The following CADM2 variants were observed in gnomAD, a reference collection of about 807,000 sequenced individuals.
CADM2 encodes immunoglobulin superfamily member 4D.
Under a neutral mutation model 49.8 loss-of-function variants are expected in CADM2, and 12 were observed. That is an observed-to-expected ratio of 0.24 (90% CI 0.15 to 0.39). The LOEUF (loss-of-function observed/expected upper bound fraction) is 0.39. Ranked by LOEUF, CADM2 falls within the 10% of genes least tolerant of loss-of-function variation. The pLI, the probability that CADM2 is intolerant of heterozygous loss-of-function variation, is 1.00. For synonymous variants in CADM2, 214 were observed against 175.4 expected (o/e 1.22, Z -1.74); for missense variants, 378 against 492.3 (o/e 0.77, Z 2.20).
chr3:85,477,243 A>AACAC (rs139955724), intron 1 of CADM2, among the ~76,000 whole-genome samples: 10,033 of 144,646 alleles, frequency 0.069, 411 homozygotes, highest in Admixed American at 0.12. Flanking sequence ...GATTCCCTTA[A>AACAC]ACACACACAC....
chr3:85,616,904 G>T (rs905515775), intron 1 of CADM2, among the ~76,000 whole-genome samples: 2 of 152,042 alleles, frequency 1.3e-5, no homozygotes, highest in African/African-American at 4.8e-5. Flanking sequence ...AACAAACTTG[G>T]CTAAGAAACA....
At chr3:85,269,235 C>T (rs945747290) in intron 1 of CADM2, among the ~76,000 whole-genome samples, 1 of 151,356 alleles carries the variant, frequency 6.6e-6, no homozygotes, top group South Asian at 2.1e-4. Flanking sequence ...CTAAACCCCA[C>T]GAAGGTGATC....
intron 1 of CADM2, among the ~76,000 whole-genome samples, chr3:85,554,718 C>G (rs113450610): frequency 1.7e-4 from 26 of 151,864 alleles, no homozygotes; most frequent in Admixed American, 5.2e-4. Context: ...ATTTTTGTGA[C>G]AAATTCTTGC....
At chr3:85,322,713 C>T (rs997958630) in intron 1 of CADM2, among the ~76,000 whole-genome samples, 1 of 152,118 alleles carries the variant, frequency 6.6e-6, no homozygotes, top group African/African-American at 2.4e-5. Context: ...AAAGAAGTCT[C>T]TGTCTTCAAA....
chr3:85,449,083 A>ATAATAATAATTATT (rs59973385), intron 1 of CADM2, among the ~76,000 whole-genome samples: 5 of 148,230 alleles, frequency 3.4e-5, no homozygotes, highest in Non-Finnish European at 4.5e-5. Context: ...TAATGATAAA[A>ATAATAATAATTATT]ATTATATAAT....
chr3:85,327,614 A>G (rs765428514), intron 1 of CADM2, among the ~76,000 whole-genome samples: 1 of 151,576 alleles, frequency 6.6e-6, no homozygotes, highest in East Asian at 1.9e-4. Flanking sequence ...CATAAACTAT[A>G]TGTGTATTTA....
At chr3:84,996,991 T>C (rs1173017375) in intron 1 of CADM2, among the ~76,000 whole-genome samples, 3 of 152,130 alleles carry the variant, frequency 2.0e-5, no homozygotes, top group African/African-American at 7.2e-5. Flanking sequence ...GCATCTTCTA[T>C]AGACAACAAG....
intron 1 of CADM2, among the ~76,000 whole-genome samples, chr3:85,666,361 T>C (rs1320752450): frequency 6.6e-6 from 1 of 151,868 alleles, no homozygotes; most frequent in Non-Finnish European, 1.5e-5. Flanking sequence ...ACCACAACAT[T>C]CAGCCCCAAT....
intron 1 of CADM2, among the ~76,000 whole-genome samples, chr3:85,001,395 C>T (rs571788425): frequency 5.7e-4 from 86 of 152,086 alleles, no homozygotes; most frequent in Non-Finnish European, 9.0e-4. Context: ...GTCTATCTAT[C>T]TACCCTTGTG....
intron 1 of CADM2, among the ~76,000 whole-genome samples, chr3:85,554,895 T>G (rs1320984935): frequency 1.3e-5 from 2 of 150,682 alleles, no homozygotes; most frequent in African/African-American, 2.4e-5. Flanking sequence ...TTTTTTTTTT[T>G]TGTGCAGACT....
At chr3:85,780,561 T>C (rs966362332) in intron 2 of CADM2, among the ~76,000 whole-genome samples, 3 of 152,230 alleles carry the variant, frequency 2.0e-5, no homozygotes, top group Non-Finnish European at 4.4e-5. Context: ...ACGCTTAGTA[T>C]CTTCATTTGA....
intron 8 of CADM2, chr3:86,013,396 A>G (rs1385586435): frequency 3.3e-6 from 5 of 1,537,566 alleles, no homozygotes; most frequent in African/African-American, 2.7e-5. Flanking sequence ...CTGGATGGAC[A>G]GGAGGCCGAA....
In CADM2 at chr3:85,218,568, T is replaced by C. The variant is rs563300361; in HGVS notation, c.61+258900T>C. ...ATCCCAGCACTTTTGGAGCCCGAGG[T>C]GGGTGGATCATGAGATTAAGAGATA... On this transcript the variant is annotated intron_variant, in intron 1 of 9. Coordinates refer to ENST00000383699, the MANE Select transcript of CADM2 (RefSeq NM_001167675.2). Among the ~76,000 whole-genome samples, 5 of 151,912 alleles carry C rather than the reference T, an allele frequency of 3.3e-5. No homozygotes were observed. In the South Asian group the frequency reaches 1.0e-3, roughly 32 times the overall value.
At chr3:85,631,980 A>G (rs1474953847) in intron 1 of CADM2, among the ~76,000 whole-genome samples, 1 of 152,078 alleles carries the variant, frequency 6.6e-6, no homozygotes. Context: ...AATTTATGTT[A>G]TACTTTTTAT....
intron 1 of CADM2, among the ~76,000 whole-genome samples, chr3:85,107,482 A>T (rs1304194513): frequency 6.6e-6 from 1 of 152,082 alleles, no homozygotes; most frequent in Non-Finnish European, 1.5e-5. Context: ...ACGAAGGCAA[A>T]AAATTAGGTC....
intron 1 of CADM2, among the ~76,000 whole-genome samples, chr3:85,600,714 C>CA (rs2063366987): frequency 6.6e-6 from 1 of 151,112 alleles, no homozygotes; most frequent in Admixed American, 6.6e-5. Flanking sequence ...AAACATAATA[C>CA]AAAAATGGCT....
At chr3:85,992,533 A>G (rs758500922) in intron 8 of CADM2, 2 of 152,158 alleles carry the variant, frequency 1.3e-5, no homozygotes, top group Non-Finnish European at 2.9e-5. Context: ...TGCTTTGGAG[A>G]TATCATGGGT....
At chr3:85,860,216 AT>A (rs1327424162) in intron 3 of CADM2, among the ~76,000 whole-genome samples, 1 of 152,190 alleles carries the variant, frequency 6.6e-6, no homozygotes, top group Non-Finnish European at 1.5e-5. Flanking sequence ...ATTCAAAAAT[AT>A]TCCTTGGTTA....
At chr3:85,876,711 A>G (rs1321714121) in intron 3 of CADM2, among the ~76,000 whole-genome samples, 1 of 152,150 alleles carries the variant, frequency 6.6e-6, no homozygotes, top group East Asian at 1.9e-4. Context: ...TATAACACTT[A>G]AGGAAAGAAA....
Sources: gnomAD v4.1 joint callset for allele counts (sites outside exome capture counted in the v4.1 genomes callset) on GRCh38, gnomAD v4.1.1 for gene constraint, MANE v1.5 for transcripts, NCBI Gene and HGNC (gene_info 2026-07-23, HGNC 2026-07-21) for gene names.